Variants in FMO3 observed in about 807,000 individuals in gnomAD.
FMO3 encodes flavin containing dimethylaniline monoxygenase 3.
A neutral mutation model predicts 39.4 loss-of-function variants in FMO3; 40 were observed. The observed-to-expected ratio is 1.02, with a 90% CI of 0.79 to 1.32. The LOEUF (loss-of-function observed/expected upper bound fraction) is 1.32, where lower values mean the gene tolerates loss of function less well. Ranked by LOEUF, FMO3 falls within the 40% of genes most tolerant of loss-of-function variation. FMO3 has a pLI of 0.00. For missense variants in FMO3, 680 were observed against 651.8 expected, an observed-to-expected ratio of 1.04 and a Z score of -0.47; for synonymous variants, 219 against 228.8, an observed-to-expected ratio of 0.96 and a Z score of 0.39.
intron 2 of FMO3, among the ~76,000 whole-genome samples, chr1:171,095,919 T>TAC (rs1297708997): frequency 1.0e-5 from 1 of 95,822 alleles, no homozygotes; most frequent in Non-Finnish European, 1.9e-5. Context: ...TAAATATATA[T>TAC]TTATATAATT....
chr1:171,092,491 A>G, intron 1 of FMO3, among the ~76,000 whole-genome samples, 162 bp from the exon 2 acceptor site: 1 of 152,194 alleles, frequency 6.6e-6, no homozygotes, highest in East Asian at 1.9e-4. Flanking sequence ...TCAGCCTCCC[A>G]AAGTGCTGGG....
In FMO3 at chr1:171,110,921, A is replaced by G; in HGVS notation, c.751A>G (p.Ile251Val). ...CCTCAAGAACAATTTACCGACAGCC[A>G]TCTCTGACTGGTTGTACGTGAAGCA... The part of the protein sequence containing the change: ...TFLKNNLPTA[I>V]SDWLYVKQMN... Residue 251 changes from isoleucine (I) to valine (V), a missense_variant, in exon 6 of 9, where the codon ATC becomes GTC. Transcript: ENST00000367755. 2 of 1,614,030 alleles carry G rather than the reference A, an allele frequency of 1.2e-6. No homozygotes were observed. The highest frequency in any genetic ancestry group is 1.7e-6 in the Non-Finnish European group (2 of 1,179,932).
Position 171,117,704 on chromosome 1 carries a change from T to C in FMO3, c.*262T>C. ...CAAAATCAGAACTATGTTCTTTATA[T>C]CTAACTTAAATCATTTCCTGAAACA... On this transcript the variant is annotated 3_prime_UTR_variant, in exon 9 of 9. Transcript: ENST00000367755. The C allele has an allele frequency of 5.7e-6, 2 of 352,400 alleles. No individual in the cohort carries two copies. Among genetic ancestry groups the C allele is most frequent in the Non-Finnish European group, 1.0e-5 (2 of 195,144 alleles). The allele number at this position is 352,400 out of a possible 1,614,324, so 21.8% of individuals were successfully genotyped here. A position where few individuals can be genotyped will look rare whatever the true frequency, so the allele number is the denominator to read the frequency against.
At chr1:171,104,830 C>T (rs151072108) in intron 3 of FMO3, among the ~76,000 whole-genome samples, 2,978 of 151,976 alleles carry the variant, frequency 0.02, 40 homozygotes, top group Middle Eastern at 0.051. Flanking sequence ...GCTGAGATCA[C>T]GCCACTGCAC....
At chr1:171,108,249 T>G (rs773652235) in intron 5 of FMO3, 28 bp downstream of exon 5, 9 of 1,612,978 alleles carry the variant, frequency 5.6e-6, no homozygotes, top group Admixed American at 3.3e-5. Context: ...CTCGGGTGAC[T>G]CTCGTTACTG....
chr1:171,103,556 G>A (rs1421105017), intron 2 of FMO3, among the ~76,000 whole-genome samples: 2 of 152,072 alleles, frequency 1.3e-5, no homozygotes, highest in Non-Finnish European at 2.9e-5. Context: ...ATTGCATTAG[G>A]TATTATAAGT....
Position 171,108,060 on chromosome 1 carries a change from T to C in FMO3, c.485-19T>C, listed in dbSNP as rs200924412. On this transcript the variant is annotated intron_variant, in intron 4 of 8. Transcript: ENST00000367755. ...AATATATGACTCAAACTGCCATGTA[T>C]TTCTCACTTTTCACTCAGGACTAAA... 79 of 1,613,474 alleles carry C rather than the reference T, an allele frequency of 4.9e-5. No homozygotes were observed. In the African/African-American group the frequency reaches 9.5e-4, roughly 19 times the overall value.
In FMO3 at chr1:171,103,772, T is replaced by G; in HGVS notation, c.133-13T>G. 6.2e-7 allele frequency: 1 copy of G among 1,607,740 alleles called. No individual in the cohort carries two copies. Among genetic ancestry groups the G allele is most frequent in the Non-Finnish European group, 8.5e-7 (1 of 1,174,310 alleles). ...TTACCAATTCGCTTCCATTTGATAC[T>G]ATACATTCACAGGACCATGCAGAGG... On this transcript the variant is annotated splice_polypyrimidine_tract_variant and intron_variant, in intron 2 of 8. Transcript: ENST00000367755.
intron 6 of FMO3, among the ~76,000 whole-genome samples, chr1:171,113,108 G>C (rs1177543915): frequency 6.6e-6 from 1 of 152,174 alleles, no homozygotes; most frequent in Non-Finnish European, 1.5e-5. Flanking sequence ...GATGGAGTTT[G>C]TTCTCCAGTG....
chr1:171,111,902 C>T lies in FMO3; in HGVS notation c.827+905C>T, dbSNP rs569799902. ...CAAACAATAGCATAAGATCATATGG[C>T]GATGTGTGCTTTGGGGAAGAAAACA... On this transcript the variant is annotated intron_variant, in intron 6 of 8. Coordinates refer to ENST00000367755, the MANE Select transcript of FMO3 (RefSeq NM_001002294.3). 1.7e-4 allele frequency among the ~76,000 whole-genome samples: 26 copies of T among 152,164 alleles called. No homozygotes were observed. The South Asian group carries it at 4.6e-3, about 27-fold the overall frequency.
At chr1:171,116,362 TA>T (rs199965639) in intron 8 of FMO3, 82 bp downstream of exon 8, 26 of 752,968 alleles carry the variant, frequency 3.5e-5, no homozygotes, top group Middle Eastern at 6.5e-4. Flanking sequence ...GTTTTAATCT[TA>T]AATTATCCTG....
At chr1:171,102,390 C>CTAAAT (rs897773858) in intron 2 of FMO3, among the ~76,000 whole-genome samples, 2 of 152,164 alleles carry the variant, frequency 1.3e-5, no homozygotes, top group African/African-American at 4.8e-5. Context: ...TTCAACAGAG[C>CTAAAT]TAAACCAAGG....
intron 3 of FMO3, among the ~76,000 whole-genome samples, chr1:171,104,709 A>G (rs1169426441): frequency 6.6e-6 from 1 of 152,078 alleles, no homozygotes; most frequent in Non-Finnish European, 1.5e-5. Context: ...CCATGTCTCT[A>G]CAAAAAATAC....
At chr1:171,117,052 T>C in intron 8 of FMO3, 48 bp from the exon 9 acceptor site, 1 of 1,366,646 alleles carries the variant, frequency 7.3e-7, no homozygotes, top group South Asian at 1.2e-5. Context: ...GTTCTGTTTC[T>C]ACACAGAGTT....
intron 7 of FMO3, among the ~76,000 whole-genome samples, 154 bp downstream of exon 7, chr1:171,114,516 T>C (rs1656060884): frequency 6.6e-6 from 1 of 152,218 alleles, no homozygotes; most frequent in African/African-American, 2.4e-5. Context: ...TGTTAGCAAT[T>C]TAAAGTATAC....
Position 171,108,230 on chromosome 1 carries a change from C to G in FMO3, c.627+9C>G, listed in dbSNP as rs751413078. Reference sequence around the variant, plus strand: ...GCCGCACAGCAGAACAGGTACTACTCCCCGGGTACTCGGGTGACTCTCGTT... The same window carrying G: ...GCCGCACAGCAGAACAGGTACTACTGCCCGGGTACTCGGGTGACTCTCGTT... On this transcript the variant is annotated intron_variant, in intron 5 of 8. Transcript: ENST00000367755. 3 of 1,613,432 alleles carry G rather than the reference C, an allele frequency of 1.9e-6. No homozygotes were observed. The highest frequency in any genetic ancestry group is 2.5e-6 in the Non-Finnish European group (3 of 1,179,714).
At chr1:171,091,680 C>T (rs7880204) in intron 1 of FMO3, among the ~76,000 whole-genome samples, 48,908 of 151,460 alleles carry the variant, frequency 0.32, 8,419 homozygotes, top group South Asian at 0.43. Context: ...CCTCAAACTC[C>T]TGGGCTCAAG....
intron 2 of FMO3, among the ~76,000 whole-genome samples, chr1:171,096,948 G>A (rs1299209838): frequency 5.7e-5 from 8 of 139,138 alleles, no homozygotes; most frequent in South Asian, 2.3e-4. Flanking sequence ...CACTCCCCCC[G>A]CCCCACAACA....
rs1655719910 is a variant in FMO3, at chr1:171,107,891, G to C, written c.484+54G>C. 4.5e-6 allele frequency: 7 copies of C among 1,546,384 alleles called. 1 individual carries two copies. In the South Asian group the frequency reaches 5.6e-5, roughly 12 times the overall value. On this transcript the variant is annotated intron_variant, in intron 4 of 8. Coordinates refer to ENST00000367755, the MANE Select transcript of FMO3 (RefSeq NM_001002294.3). ...CATAACTGACAAAAATGAATATCTT[G>C]ATAATGTCTTCTTTTTTCTAAAAGT...
Sources: allele counts gnomAD v4.1 joint callset (sites outside exome capture counted in the v4.1 genomes callset), GRCh38; gene constraint gnomAD v4.1.1; transcripts MANE v1.5; gene names NCBI Gene and HGNC (gene_info 2026-07-23, HGNC 2026-07-21).